DIAPH3: variants seen among roughly 807,000 people sequenced by gnomAD.
DIAPH3 encodes diaphanous related formin 3.
Under a neutral mutation model 144.3 loss-of-function variants are expected in DIAPH3, and 117 were observed. The observed-to-expected ratio is 0.81, with a 90% CI of 0.70 to 0.95. The LOEUF (loss-of-function observed/expected upper bound fraction) is 0.95. Among genes scored for constraint, DIAPH3 ranks in the 40% least tolerant of loss-of-function variants. The probability of loss-of-function intolerance (pLI) is 0.00; values close to 1 mark genes in which losing one functional copy is unlikely to be tolerated. For missense variants in DIAPH3, 1,421 were observed against 1,412.7 expected (o/e 1.01, Z -0.09); for synonymous variants, 519 against 488.9 (o/e 1.06, Z -0.81).
intron 27 of DIAPH3, among the ~76,000 whole-genome samples, chr13:59,769,085 T>A (rs1027463462): frequency 6.6e-6 from 1 of 152,166 alleles, no homozygotes; most frequent in African/African-American, 2.4e-5. Context: ...CTAATAAGGA[T>A]GCAAACAAAC....
chr13:59,767,149 T>C (rs74768864), intron 27 of DIAPH3, among the ~76,000 whole-genome samples: 1 of 152,154 alleles, frequency 6.6e-6, no homozygotes, highest in Admixed American at 6.6e-5. Flanking sequence ...CAGGTACACA[T>C]GACGTCATTT....
At chr13:59,929,759 C>G (rs2047934132) in intron 17 of DIAPH3, among the ~76,000 whole-genome samples, 1 of 150,708 alleles carries the variant, frequency 6.6e-6, no homozygotes, top group African/African-American at 2.4e-5. Context: ...TTAGTAGAGA[C>G]AGGGTTTCAC....
chr13:60,059,445 C>T lies in DIAPH3; in HGVS notation c.496-16625G>A, dbSNP rs181501606. ...CATGCTTTATGCTATTTATAAGGTACATTCAAATCAAATTCTTCTGAAATC... is the reference window on the plus strand; with the variant it reads ...CATGCTTTATGCTATTTATAAGGTATATTCAAATCAAATTCTTCTGAAATC... On this transcript the variant is annotated intron_variant, in intron 4 of 27. Transcript: ENST00000400324. Among the ~76,000 whole-genome samples the T allele has an allele frequency of 3.3e-3, 497 of 152,096 alleles. 2 individuals are homozygous for T. Among genetic ancestry groups the T allele is most frequent in the African/African-American group, 0.011 (458 of 41,534 alleles).
intron 25 of DIAPH3, among the ~76,000 whole-genome samples, chr13:59,802,909 C>T (rs1033903315): frequency 1.7e-4 from 25 of 150,998 alleles, no homozygotes; most frequent in African/African-American, 5.6e-4. Context: ...TGGTCTCGAT[C>T]TCCTGACCTC....
At chr13:59,828,886 T>A (rs543243060) in intron 24 of DIAPH3, among the ~76,000 whole-genome samples, 1 of 151,800 alleles carries the variant, frequency 6.6e-6, no homozygotes, top group Non-Finnish European at 1.5e-5. Flanking sequence ...AAAAAAAAAA[T>A]TAATTCCCAG....
intron 3 of DIAPH3, among the ~76,000 whole-genome samples, chr13:60,104,265 A>C (rs1055683547): frequency 1.3e-5 from 2 of 152,154 alleles, no homozygotes; most frequent in Non-Finnish European, 2.9e-5. Flanking sequence ...TTAAATAATC[A>C]TTTTTAACAG....
chr13:59,816,517 C>A (rs927394173), intron 24 of DIAPH3, among the ~76,000 whole-genome samples: 1 of 151,438 alleles, frequency 6.6e-6, no homozygotes, highest in African/African-American at 2.4e-5. Context: ...TATTTATCTT[C>A]TCTTTTTCTT....
At chr13:59,824,248 C>T (rs1171012763) in intron 24 of DIAPH3, among the ~76,000 whole-genome samples, 1 of 152,084 alleles carries the variant, frequency 6.6e-6, no homozygotes, top group Non-Finnish European at 1.5e-5. Context: ...TTGTACATGG[C>T]TAACTTGTTT....
At position 59,861,413 on chromosome 13, in the gene DIAPH3, T is replaced by A; in HGVS notation, c.2731A>T (p.Ser911Cys). Residue 911 changes from serine (S) to cysteine (C), a missense_variant, in exon 22 of 28, where the codon AGT (serine) becomes TGT (cysteine). Transcript: ENST00000400324. ...TTCTTAAAAAGGCACAAACCTTTAC[T>A]AGCTTTGTCTAAAGGTTCCAAATCA... is the stretch of plus-strand genomic sequence containing the variant. ...VDDLEPLDKA[S>C]KVSVETLEKN... is the part of the protein sequence containing the mutation. 6.2e-7 allele frequency: 1 copy of A among 1,613,806 alleles called. No homozygotes were observed. The highest frequency in any genetic ancestry group is 8.5e-7 in the Non-Finnish European group (1 of 1,179,892).
chr13:59,805,448 A>G (rs1261458204), intron 25 of DIAPH3, among the ~76,000 whole-genome samples: 2 of 152,076 alleles, frequency 1.3e-5, no homozygotes, highest in Admixed American at 1.3e-4. Context: ...TGCATTTTAA[A>G]TTAATAACCA....
At chr13:60,126,709 C>T (rs1265921644) in intron 2 of DIAPH3, among the ~76,000 whole-genome samples, 2 of 152,042 alleles carry the variant, frequency 1.3e-5, no homozygotes, top group African/African-American at 2.4e-5. Context: ...AGGTCTCTGA[C>T]CACGAGGGAA....
chr13:59,954,688 C>G (rs1379755673), intron 17 of DIAPH3, among the ~76,000 whole-genome samples: 1 of 152,060 alleles, frequency 6.6e-6, no homozygotes, highest in Non-Finnish European at 1.5e-5. Flanking sequence ...GTTCCATAGG[C>G]TGTAGAGAGG....
chr13:60,108,949 G>C (rs552427023), intron 3 of DIAPH3, among the ~76,000 whole-genome samples: 1 of 152,094 alleles, frequency 6.6e-6, no homozygotes, highest in Non-Finnish European at 1.5e-5. Flanking sequence ...GATGTGTTGA[G>C]GTTCAGCATC....
At chr13:60,003,073 A>C (rs531978427) in intron 9 of DIAPH3, among the ~76,000 whole-genome samples, 22 of 152,310 alleles carry the variant, frequency 1.4e-4, no homozygotes, top group Non-Finnish European at 2.2e-4. Context: ...AACAATGGAC[A>C]CTACGATGGA....
At chr13:59,814,907 T>C (rs1005355497) in intron 24 of DIAPH3, among the ~76,000 whole-genome samples, 1 of 152,254 alleles carries the variant, frequency 6.6e-6, no homozygotes, top group African/African-American at 2.4e-5. Flanking sequence ...CTTTTTTATA[T>C]ACCACACGTA....
At chr13:59,874,517 C>A (rs541713814) in intron 21 of DIAPH3, among the ~76,000 whole-genome samples, 9 of 151,980 alleles carry the variant, frequency 5.9e-5, no homozygotes, top group Non-Finnish European at 1.3e-4. Flanking sequence ...ATTAATTTTG[C>A]CTGCCACCCC....
At chr13:59,671,497 C>CT (rs938239433) in intron 27 of DIAPH3, among the ~76,000 whole-genome samples, 7 of 151,830 alleles carry the variant, frequency 4.6e-5, no homozygotes, top group East Asian at 3.9e-4. Context: ...AATCCTAGGC[C>CT]TTTTTTTTCT....
chr13:60,012,468 C>A (rs1594331211), intron 7 of DIAPH3, among the ~76,000 whole-genome samples: 1 of 152,202 alleles, frequency 6.6e-6, no homozygotes, highest in Admixed American at 6.5e-5. Flanking sequence ...CCAGAAACTA[C>A]AATATGCCTT....
At chr13:59,955,296 C>T (rs1039146684) in intron 17 of DIAPH3, among the ~76,000 whole-genome samples, 5 of 151,894 alleles carry the variant, frequency 3.3e-5, no homozygotes, top group East Asian at 1.9e-4. Flanking sequence ...ATCATGGGGG[C>T]GGGTTTCTCC....
Sources: allele counts gnomAD v4.1 joint callset (sites outside exome capture counted in the v4.1 genomes callset), GRCh38; gene constraint gnomAD v4.1.1; transcripts MANE v1.5; gene names NCBI Gene and HGNC (gene_info 2026-07-23, HGNC 2026-07-21).